Variants in TENM3 observed in about 807,000 individuals in gnomAD.
The protein encoded by TENM3 is teneurin-3.
Under a neutral mutation model 255.1 loss-of-function variants are expected in TENM3, and 63 were observed. The observed-to-expected ratio is 0.25, with a 90% CI of 0.20 to 0.30. TENM3 has a LOEUF of 0.30. Among genes scored for constraint, TENM3 ranks in the 10% least tolerant of loss-of-function variants. The probability of loss-of-function intolerance (pLI) is 1.00; values close to 1 mark genes in which losing one functional copy is unlikely to be tolerated. For missense variants in TENM3, 2,929 were observed against 3,461.1 expected (o/e 0.85, Z 3.86); for synonymous variants, 1,306 against 1,322.3 (o/e 0.99, Z 0.27).
At chr4:182,590,447 G>C (rs1746490288) in intron 3 of TENM3, among the ~76,000 whole-genome samples, 1 of 147,596 alleles carries the variant, frequency 6.8e-6, no homozygotes, top group Admixed American at 6.9e-5. Context: ...AGATCAGCCT[G>C]GGCAACATAG....
chr4:182,072,901 C>A, the TENM3 span, among the ~76,000 whole-genome samples: 1 of 152,016 alleles, frequency 6.6e-6, no homozygotes, highest in Non-Finnish European at 1.5e-5. Context: ...GAAATAGGGC[C>A]TTTAGGAATG....
the TENM3 span, among the ~76,000 whole-genome samples, chr4:181,504,849 C>T: frequency 6.6e-6 from 1 of 152,144 alleles, no homozygotes; most frequent in South Asian, 2.1e-4. Flanking sequence ...AAGTATCAAG[C>T]CATTGTATGT....
At chr4:181,479,653 A>C in the TENM3 span, among the ~76,000 whole-genome samples, 1 of 151,958 alleles carries the variant, frequency 6.6e-6, no homozygotes, top group South Asian at 2.1e-4. Context: ...AATTAATAGG[A>C]CTCATTTTAA....
chr4:181,525,740 T>C, the TENM3 span, among the ~76,000 whole-genome samples: 2 of 152,180 alleles, frequency 1.3e-5, no homozygotes, highest in Non-Finnish European at 2.9e-5. Context: ...AAATCTCCTT[T>C]TCTCAAATGT....
intron 3 of TENM3, among the ~76,000 whole-genome samples, chr4:182,399,694 C>T (rs1049550571): frequency 2.6e-4 from 40 of 152,288 alleles, no homozygotes; most frequent in African/African-American, 9.4e-4. Context: ...TTGTTACAAC[C>T]TTCATGGAAG....
chr4:181,517,780 A>G, the TENM3 span, among the ~76,000 whole-genome samples: 1 of 152,214 alleles, frequency 6.6e-6, no homozygotes, highest in Non-Finnish European at 1.5e-5. Context: ...GCAAGTGATA[A>G]TAGAAGAATT....
chr4:181,914,573 C>T, the TENM3 span, among the ~76,000 whole-genome samples: 1 of 152,080 alleles, frequency 6.6e-6, no homozygotes, highest in African/African-American at 2.4e-5. Flanking sequence ...TGTTGTCTTT[C>T]ACTGCTTTTG....
chr4:181,475,943 C>A, the TENM3 span, among the ~76,000 whole-genome samples: 1 of 152,218 alleles, frequency 6.6e-6, no homozygotes, highest in Non-Finnish European at 1.5e-5. Flanking sequence ...TCTCCCCTTG[C>A]AGAGCGCAGA....
At chr4:182,707,051 G>A (rs954677954) in intron 12 of TENM3, among the ~76,000 whole-genome samples, 9 of 152,046 alleles carry the variant, frequency 5.9e-5, no homozygotes, top group South Asian at 2.1e-4. Flanking sequence ...TAATGGGGAC[G>A]ATTTACACAT....
At chr4:182,621,618 T>C (rs528989774) in intron 4 of TENM3, among the ~76,000 whole-genome samples, 1 of 40,400 alleles carries the variant, frequency 2.5e-5, no homozygotes, top group African/African-American at 8.5e-5. Context: ...TATATAAATA[T>C]ATATATAAAA....
intron 3 of TENM3, among the ~76,000 whole-genome samples, chr4:182,359,215 G>A (rs1003939875): frequency 1.3e-3 from 200 of 152,172 alleles, no homozygotes; most frequent in Non-Finnish European, 2.3e-3. Flanking sequence ...CTTTGGTATC[G>A]GGATGATGCT....
intron 11 of TENM3, among the ~76,000 whole-genome samples, chr4:182,684,745 T>G (rs1756446210): frequency 1.3e-5 from 2 of 152,146 alleles, no homozygotes; most frequent in Admixed American, 6.6e-5. Context: ...TCTCATCAAT[T>G]CAGAGGAGCT....
At chr4:181,851,491 A>G in the TENM3 span, among the ~76,000 whole-genome samples, 3 of 152,176 alleles carry the variant, frequency 2.0e-5, no homozygotes, top group Admixed American at 6.5e-5. Context: ...GCTTTTAAAG[A>G]TCTCCCATCT....
At chr4:181,784,932 G>A in the TENM3 span, among the ~76,000 whole-genome samples, 5,564 of 152,148 alleles carry the variant, frequency 0.037, 346 homozygotes, top group African/African-American at 0.13. Flanking sequence ...TTTTAGAAAC[G>A]TAAAATGTGG....
the TENM3 span, among the ~76,000 whole-genome samples, chr4:182,128,966 T>C: frequency 6.6e-6 from 1 of 152,136 alleles, no homozygotes; most frequent in Non-Finnish European, 1.5e-5. Context: ...AATTCTGTCA[T>C]CACAATTATT....
the TENM3 span, among the ~76,000 whole-genome samples, chr4:181,669,223 C>A: frequency 7.2e-5 from 11 of 152,182 alleles, no homozygotes; most frequent in African/African-American, 2.7e-4. Context: ...ACATGTGGGA[C>A]ACTGCTGTAA....
At chr4:181,870,297 G>C in the TENM3 span, among the ~76,000 whole-genome samples, 3 of 152,226 alleles carry the variant, frequency 2.0e-5, no homozygotes, top group South Asian at 2.1e-4. Context: ...CGTTGTTGTA[G>C]AAGTCTTTTT....
At chr4:182,546,665 C>T (rs927716956) in intron 3 of TENM3, among the ~76,000 whole-genome samples, 5 of 151,776 alleles carry the variant, frequency 3.3e-5, no homozygotes, top group African/African-American at 9.7e-5. Context: ...CTCTGAAAAC[C>T]GACAATCTTT....
chr4:181,838,005 G>A, the TENM3 span, among the ~76,000 whole-genome samples: 14 of 152,098 alleles, frequency 9.2e-5, no homozygotes, highest in African/African-American at 3.4e-4. Flanking sequence ...GGGCGTTGTG[G>A]TGCACGCCTG....
Sources: allele counts gnomAD v4.1 joint callset (sites outside exome capture counted in the v4.1 genomes callset), GRCh38; gene constraint gnomAD v4.1.1; transcripts MANE v1.5; gene names NCBI Gene and HGNC (gene_info 2026-07-23, HGNC 2026-07-21).